Variants in PRPF8 observed in about 807,000 individuals in gnomAD.
PRPF8 encodes pre-mRNA-processing-splicing factor 8.
In PRPF8, 64 loss-of-function variants were observed where a neutral mutation model predicts 285.9. The observed-to-expected ratio is 0.22, with a 90% CI of 0.18 to 0.28. PRPF8 has a LOEUF of 0.28. PRPF8 is among the 10% of genes least tolerant of loss of function. The pLI is 1.00. For synonymous variants in PRPF8, 1,325 were observed against 1,118.2 expected, an observed-to-expected ratio of 1.18 and a Z score of -3.69; for missense variants, 1,426 against 3,026.7, an observed-to-expected ratio of 0.47 and a Z score of 12.41.
At chr17:1,655,289 C>T in intron 37 of PRPF8, 61 bp downstream of exon 37, 1 of 1,594,832 alleles carries the variant, frequency 6.3e-7, no homozygotes. Flanking sequence ...TAAGTGCTTC[C>T]AAAAAACCCC....
chr17:1,681,149 G>A (rs1182142274), intron 6 of PRPF8, 95 bp from the exon 7 acceptor site: 5 of 1,358,272 alleles, frequency 3.7e-6, no homozygotes, highest in East Asian at 4.6e-5. Flanking sequence ...CATGATCATC[G>A]TTCACTGCAG....
intron 24 of PRPF8, among the ~76,000 whole-genome samples, chr17:1,669,351 C>T (rs1403879367): frequency 1.3e-5 from 2 of 152,206 alleles, no homozygotes; most frequent in Non-Finnish European, 2.9e-5. Flanking sequence ...GTGATTCACC[C>T]ACCTTGGCCT....
Position 1,679,621 on chromosome 17 carries a change from A to G in PRPF8, c.1277T>C (p.Leu426Pro). The G allele has an allele frequency of 1.9e-6, 3 of 1,613,598 alleles. No homozygotes were observed. Among genetic ancestry groups the G allele is most frequent in the Non-Finnish European group, 2.5e-6 (3 of 1,179,986 alleles). Residue 426 changes from leucine to proline, a missense_variant, in exon 9 of 43, where the codon CTT becomes CCT. By Grantham distance (98) the Leu-to-Pro change is moderately conservative. Around this residue, in one of 34 missense-constraint regions of PRPF8, gnomAD observed 137 missense variants for 161.2 expected, o/e 0.85. Coordinates refer to ENST00000304992, the MANE Select transcript of PRPF8 (RefSeq NM_006445.4). This position sits in a 1 kb window ranked among gnomAD's most constrained non-coding sequence, Gnocchi z 4.7. ...GRTRRALDIP[L>P]VKNWYREHCP... is the part of the protein sequence containing the mutation. Reference sequence around the variant, plus strand: ...GGAAAAACCTTACCAGTTCTTGACAAGGGGTATGTCCAGGGCCCGACGGGT... The same window carrying G: ...GGAAAAACCTTACCAGTTCTTGACAGGGGGTATGTCCAGGGCCCGACGGGT...
chr17:1,661,255 T>C lies in PRPF8; in HGVS notation c.4338+16A>G. ...GGATTTTCCTGACTCAGGGAAAATC[T>C]GCTCCCTCTACATACCTGATACTGC... On this transcript the variant is annotated intron_variant, in intron 27 of 42. Transcript: ENST00000304992. The surrounding 1 kb of genome is among the most constrained non-coding windows in gnomAD (Gnocchi z 7.3). The C allele has an allele frequency of 6.2e-7, 1 of 1,614,178 alleles. No homozygotes were observed. Among genetic ancestry groups the C allele is most frequent in the South Asian group, 1.1e-5 (1 of 91,084 alleles).
chr17:1,666,315 C>G (rs62089963), intron 24 of PRPF8, among the ~76,000 whole-genome samples: 2,254 of 151,990 alleles, frequency 0.015, 29 homozygotes, highest in Non-Finnish European at 0.017. Flanking sequence ...TTTGGGAGCC[C>G]AGGGGGGTGG....
At position 1,676,890 on chromosome 17, in the gene PRPF8, C is replaced by CA; in HGVS notation, c.2181+85dup. On this transcript the variant is annotated intron_variant, in intron 15 of 42. Coordinates refer to ENST00000304992, the MANE Select transcript of PRPF8 (RefSeq NM_006445.4). The surrounding 1 kb of genome is among the most constrained non-coding windows in gnomAD (Gnocchi z 6.3). The stretch of plus-strand genomic sequence containing the variant: ...AAGGGAAAAGAAAAGAGATTGGAGC[C>CA]AGATAGCCCCCTAATGATTCCCGAA... 2 of 1,533,476 alleles carry CA rather than the reference C, an allele frequency of 1.3e-6. No individual in the cohort carries two copies. Among genetic ancestry groups the CA allele is most frequent in the African/African-American group, 2.7e-5 (2 of 73,350 alleles). The allele number at this position is 1,533,476 out of a possible 1,614,324, so 95.0% of individuals were successfully genotyped here. A position where few individuals can be genotyped will look rare whatever the true frequency, so the allele number is the denominator to read the frequency against.
chr17:1,681,852 G>C lies in PRPF8; in HGVS notation c.621C>G (p.Phe207Leu), dbSNP rs199971966. ...PEEDAPVLDW[F>L]YDHQPLRDSR... ...TGTCCCTCAACGGCTGGTGGTCATA[G>C]AACCAGTCCAACACAGGGGCGTCCT... Residue 207 changes from phenylalanine (F) to leucine (L), a missense_variant, in exon 5 of 43, where the codon TTC (phenylalanine) becomes TTG (leucine). By Grantham distance (22) the Phe-to-Leu change is conservative. Around this residue, in one of 34 missense-constraint regions of PRPF8, gnomAD observed 157 missense variants for 159.6 expected, o/e 0.98. Coordinates refer to ENST00000304992, the MANE Select transcript of PRPF8 (RefSeq NM_006445.4). 1.9e-6 allele frequency: 3 copies of C among 1,613,910 alleles called. No individual in the cohort carries two copies. The highest frequency in any genetic ancestry group is 2.5e-6 in the Non-Finnish European group (3 of 1,180,004).
At chr17:1,682,665 CA>C (rs1912997538) in intron 3 of PRPF8, among the ~76,000 whole-genome samples, 3 of 152,232 alleles carry the variant, frequency 2.0e-5, no homozygotes. Flanking sequence ...CACTAGACCG[CA>C]CACTGCAGAA....
intron 29 of PRPF8, 53 bp from the exon 30 acceptor site, chr17:1,660,631 C>A (rs1162457533): frequency 1.9e-6 from 3 of 1,614,158 alleles, no homozygotes; most frequent in South Asian, 1.1e-5. Context: ...CGGGCGCTCA[C>A]GACATAACCA....
At chr17:1,667,871 T>C (rs1912084866) in intron 24 of PRPF8, among the ~76,000 whole-genome samples, 2 of 152,168 alleles carry the variant, frequency 1.3e-5, no homozygotes, top group Non-Finnish European at 2.9e-5. Context: ...ATAAACAGGA[T>C]CTTGCTATGT....
At position 1,679,254 on chromosome 17, in the gene PRPF8, G is replaced by A; in HGVS notation, c.1409+37C>T. ...AAGAGTCAGCCTACTGATATCTCTG[G>A]AACAGAAGTCTGCGCAGGGCCCCTG... On this transcript the variant is annotated intron_variant, in intron 10 of 42. Coordinates refer to ENST00000304992, the MANE Select transcript of PRPF8 (RefSeq NM_006445.4). This position sits in a 1 kb window ranked among gnomAD's most constrained non-coding sequence, Gnocchi z 4.7. 6.2e-7 allele frequency: 1 copy of A among 1,614,204 alleles called. No homozygotes were observed. The highest frequency in any genetic ancestry group is 8.5e-7 in the Non-Finnish European group (1 of 1,180,040).
Position 1,658,883 on chromosome 17 carries a change from T to A in PRPF8, c.5139-120A>T, listed in dbSNP as rs949863804. The A allele has an allele frequency of 1.2e-6, 1 of 865,154 alleles. No individual in the cohort carries two copies. 53.6% of individuals were successfully genotyped at this position (865,154 alleles called of 1,614,324 possible). On this transcript the variant is annotated intron_variant, in intron 32 of 42. Transcript: ENST00000304992. This position sits in a 1 kb window ranked among gnomAD's most constrained non-coding sequence, Gnocchi z 4.1. ...CGCCAGGCTGACAACACTCTGCTCA[T>A]GTGTACATACAGGCTGGAGAAGAGA...
intron 3 of PRPF8, 59 bp downstream of exon 3, chr17:1,683,474 G>A: frequency 7.6e-6 from 12 of 1,573,710 alleles, no homozygotes; most frequent in South Asian, 6.7e-5. Flanking sequence ...AAGACTGTGG[G>A]ACAGGGAGAA....
Position 1,679,271 on chromosome 17 carries a change from G to A in PRPF8, c.1409+20C>T. ...TATCTCTGGAACAGAAGTCTGCGCAGGGCCCCTGGGGCACCTTACCTCTTC... is the reference window on the plus strand; with the variant it reads ...TATCTCTGGAACAGAAGTCTGCGCAAGGCCCCTGGGGCACCTTACCTCTTC... On this transcript the variant is annotated intron_variant, in intron 10 of 42. Coordinates refer to ENST00000304992, the MANE Select transcript of PRPF8 (RefSeq NM_006445.4). This position sits in a 1 kb window ranked among gnomAD's most constrained non-coding sequence, Gnocchi z 4.7. The A allele has an allele frequency of 6.2e-7, 1 of 1,614,198 alleles. No individual in the cohort carries two copies. Among genetic ancestry groups the A allele is most frequent in the Non-Finnish European group, 8.5e-7 (1 of 1,180,040 alleles).
Position 1,678,518 on chromosome 17 carries a change from C to T in PRPF8, c.1854G>A (p.Thr618=). 1.2e-6 allele frequency: 2 copies of T among 1,614,132 alleles called. No homozygotes were observed. Among genetic ancestry groups the T allele is most frequent in the Non-Finnish European group, 1.7e-6 (2 of 1,180,028 alleles). The change falls in exon 13 of 43, where the codon ACG becomes ACA. Residue 618 remains threonine (T), a splice_region_variant and synonymous_variant. Transcript: ENST00000304992. ...LKHLIYYRFN[T]GPVGKGPGCG... The stretch of plus-strand genomic sequence containing the variant: ...AAAGTCAGTAAAGTCAAGGTCTCAC[C>T]GTGTTGAAACGATAATAGATGAGAT...
chr17:1,659,511 T>C lies in PRPF8; in HGVS notation c.4984A>G (p.Ile1662Val). The change falls in exon 32 of 43, where the codon ATT becomes GTT. Residue 1662 changes from isoleucine (I) to valine (V), a missense_variant. By Grantham distance (29) the Ile-to-Val change is conservative (BLOSUM62 3). Coordinates refer to ENST00000304992, the MANE Select transcript of PRPF8 (RefSeq NM_006445.4). The surrounding 1 kb of genome is among the most constrained non-coding windows in gnomAD (Gnocchi z 5.1). ...MDSTTTQKYW[I>V]DIQLRWGDYD... ...TCCCCCCAGCGCAACTGGATGTCAA[T>C]CCAGTATTTCTGGGTGGTGGTGCTG... 1 of 1,614,012 alleles carries C rather than the reference T, an allele frequency of 6.2e-7. No individual in the cohort carries two copies. Among genetic ancestry groups the C allele is most frequent in the Non-Finnish European group, 8.5e-7 (1 of 1,179,998 alleles).
At position 1,683,560 on chromosome 17, in the gene PRPF8, A is replaced by C; in HGVS notation, c.242T>G (p.Phe81Cys). 2 of 1,614,142 alleles carry C rather than the reference A, an allele frequency of 1.2e-6. No homozygotes were observed. Among genetic ancestry groups the C allele is most frequent in the East Asian group, 2.2e-5 (1 of 44,878 alleles). ...RDHGDMTNRKFRHDKRVYLGA... is the reference protein window; with the variant it reads ...RDHGDMTNRKCRHDKRVYLGA... ...CAAGTAAACCCTTTTGTCATGGCGGAACTTCCTGTTGGTCATGTCTCCATG... is the reference window on the plus strand; with the variant it reads ...CAAGTAAACCCTTTTGTCATGGCGGCACTTCCTGTTGGTCATGTCTCCATG... The change falls in exon 3 of 43, where the codon TTC becomes TGC. Residue 81 changes from phenylalanine (F) to cysteine (C), a missense_variant. Around this residue, in one of 34 missense-constraint regions of PRPF8, gnomAD observed 96 missense variants for 188.3 expected, o/e 0.51. Transcript: ENST00000304992.
In PRPF8 at chr17:1,677,387, T is replaced by C. The variant is rs1483844006; in HGVS notation, c.1984+178A>G. On this transcript the variant is annotated intron_variant, in intron 14 of 42. Transcript: ENST00000304992. ...ACTCCTGCAAATGCATGACTGCCTC[T>C]CAAGGCCCCAGAAGGAAGCCCAAGA... The C allele has an allele frequency of 4.8e-6, 5 of 1,043,404 alleles. No individual in the cohort carries two copies. In the African/African-American group the frequency reaches 8.0e-5, roughly 17 times the overall value. 64.6% of individuals were successfully genotyped at this position (1,043,404 alleles called of 1,614,324 possible). A position where few individuals can be genotyped will look rare whatever the true frequency, so the allele number is the denominator to read the frequency against.
rs1177444379 is a variant in PRPF8 at position 1,658,780 on chromosome 17, G to A, written c.5139-17C>T. ...CCATAGGCACTGTGAGGATAAAAGG[G>A]TCAAGAAAAGTTAAGACGAGAATGA... On this transcript the variant is annotated splice_polypyrimidine_tract_variant and intron_variant, in intron 32 of 42. Coordinates refer to ENST00000304992, the MANE Select transcript of PRPF8 (RefSeq NM_006445.4). This position sits in a 1 kb window ranked among gnomAD's most constrained non-coding sequence, Gnocchi z 4.1. The A allele has an allele frequency of 6.2e-7, 1 of 1,608,318 alleles. No homozygotes were observed.
Sources: allele counts gnomAD v4.1 joint callset (sites outside exome capture counted in the v4.1 genomes callset), GRCh38; gene constraint gnomAD v4.1.1; regional missense constraint gnomAD v4.1.1; non-coding constraint Gnocchi (gnomAD v3.1); transcripts MANE v1.5; gene names NCBI Gene and HGNC (gene_info 2026-07-23, HGNC 2026-07-21).